The following DIPK1C variants were observed in gnomAD, a reference collection of about 807,000 sequenced individuals.
The protein encoded by DIPK1C is divergent protein kinase domain 1C, also known as familial non-conventional Alzheimer's dementia.
A neutral mutation model predicts 28.0 loss-of-function variants in DIPK1C; 33 were observed. The observed-to-expected ratio is 1.18, with a 90% confidence interval of 0.89 to 1.58. The LOEUF (loss-of-function observed/expected upper bound fraction) is 1.58. Ranked by LOEUF, DIPK1C falls within the 40% of genes most tolerant of loss-of-function variation. DIPK1C has a pLI of 0.00. For missense variants in DIPK1C, 569 were observed against 568.5 expected (o/e 1.00, Z -0.01); for synonymous variants, 255 against 248.8 (o/e 1.02, Z -0.23).
chr18:74,438,573 A>C lies in DIPK1C; in HGVS notation c.1042-1854T>G, dbSNP rs11876986. On this transcript the variant is annotated intron_variant, in intron 3 of 3. Coordinates refer to ENST00000343998, the MANE Select transcript of DIPK1C (RefSeq NM_001044369.3). Reference sequence around the variant, plus strand: ...TTCATTTTGCCAACAGGTGGGTGAAAATGGTTTAATTTGCATCTTTCTTAG... The same window carrying C: ...TTCATTTTGCCAACAGGTGGGTGAACATGGTTTAATTTGCATCTTTCTTAG... Among the ~76,000 whole-genome samples, 1,515 of 152,300 alleles carry C rather than the reference A, an allele frequency of 9.9e-3. 32 individuals are homozygous for C. Among genetic ancestry groups the C allele is most frequent in the African/African-American group, 0.034 (1,419 of 41,554 alleles).
intron 3 of DIPK1C, among the ~76,000 whole-genome samples, chr18:74,438,998 T>G (rs1215930291): frequency 6.6e-6 from 1 of 152,228 alleles, no homozygotes; most frequent in Admixed American, 6.5e-5. Context: ...CCTTCCACCC[T>G]CTACATTCCT....
Position 74,441,973 on chromosome 18 carries a change from C to T in DIPK1C, c.1020G>A (p.Gln340=). The T allele has an allele frequency of 6.2e-7, 1 of 1,614,014 alleles. No individual in the cohort carries two copies. Among genetic ancestry groups the T allele is most frequent in the East Asian group, 2.2e-5 (1 of 44,872 alleles). ...ATACCTGCAGGTTGTTGTTTACGCG[C>T]TGCGCTCCGCATTTGTTGACTCGTA... ...CDLRVNKCGA[Q]RVNNNLQVIC... is the part of the protein sequence containing the mutation. The change falls in exon 3 of 4, where the codon CAG becomes CAA. Residue 340 remains glutamine (Q), a synonymous_variant. Coordinates refer to ENST00000343998, the MANE Select transcript of DIPK1C (RefSeq NM_001044369.3).
chr18:74,444,513 A>G (rs1986216600), intron 2 of DIPK1C, among the ~76,000 whole-genome samples: 1 of 152,242 alleles, frequency 6.6e-6, no homozygotes, highest in African/African-American at 2.4e-5. Flanking sequence ...AATCGACTAG[A>G]AGCCTTGTTT....
At chr18:74,458,305 A>T (rs1489951790), upstream of DIPK1C, among the ~76,000 whole-genome samples, 3 of 152,194 alleles carry the variant, frequency 2.0e-5, no homozygotes, top group Non-Finnish European at 4.4e-5. Context: ...TTCAGTGCCC[A>T]GTACGTGCCA....
intron 1 of DIPK1C, among the ~76,000 whole-genome samples, chr18:74,451,712 C>A (rs2144527824): frequency 6.6e-6 from 1 of 152,348 alleles, no homozygotes; most frequent in East Asian, 1.9e-4. Context: ...TGCGGCGACA[C>A]TGGGTGTCAG....
rs537083860 is a variant in DIPK1C at position 74,449,640 on chromosome 18, G to A, written c.199-2357C>T. The stretch of plus-strand genomic sequence containing the variant: ...GCGGGGATGAGGGGGGTCTTGCTTG[G>A]CTAACACAATGATGCACGCGAGACA... On this transcript the variant is annotated intron_variant, in intron 1 of 3. Coordinates refer to ENST00000343998, the MANE Select transcript of DIPK1C (RefSeq NM_001044369.3). Among the ~76,000 whole-genome samples, 63 of 152,274 alleles carry A rather than the reference G, an allele frequency of 4.1e-4. 3 individuals are homozygous for A. The South Asian group carries it at 9.1e-3, about 22-fold the overall frequency.
rs760162546 is a variant in DIPK1C at position 74,447,034 on chromosome 18, TCAGGAGGAGTTCGGC to T, written c.433_447del (p.Ala145_Leu149del). The T allele has an allele frequency of 1.3e-6, 2 of 1,548,750 alleles. No individual in the cohort carries two copies. The highest frequency in any genetic ancestry group is 2.4e-5 in the South Asian group (2 of 83,860). On this transcript the variant is annotated inframe_deletion, in exon 2 of 4. Transcript: ENST00000343998. This position sits in a 1 kb window ranked among gnomAD's most constrained non-coding sequence, Gnocchi z 4.1. ...GCGCTCTTGACCTCCCCAGCCACCA[TCAGGAGGAGTTCGGC>T]CTCGGGCATGTCCTGGCCACCCTCC...
chr18:74,456,948 G>A (rs1986527016), intron 1 of DIPK1C, 114 bp downstream of exon 1: 72 of 1,130,558 alleles, frequency 6.4e-5, no homozygotes, highest in Non-Finnish European at 8.2e-5. Flanking sequence ...GGGAACCCAT[G>A]TCCCCGGCGG....
At chr18:74,442,215 T>C in intron 2 of DIPK1C, 99 bp from the exon 3 acceptor site, 1 of 1,402,794 alleles carries the variant, frequency 7.1e-7, no homozygotes, top group East Asian at 2.5e-5. Flanking sequence ...CGGGTGCCAC[T>C]GTCCAGGTCA....
intron 3 of DIPK1C, among the ~76,000 whole-genome samples, chr18:74,439,344 T>C (rs1331761461): frequency 6.6e-6 from 1 of 152,144 alleles, no homozygotes; most frequent in Non-Finnish European, 1.5e-5. Flanking sequence ...GGCCAGCCAG[T>C]TTACCAGCAC....
chr18:74,457,421 A>G (rs1986543358), upstream of DIPK1C, among the ~76,000 whole-genome samples: 1 of 150,862 alleles, frequency 6.6e-6, no homozygotes, highest in African/African-American at 2.4e-5. Context: ...AGGTGCGGGG[A>G]GGGCGTCCAG....
In DIPK1C at chr18:74,447,019, C is replaced by A. The variant is rs747016230; in HGVS notation, c.463G>T (p.Val155Phe). ...AELLLMVAGE[V>F]KSALGLELSN... ...AACTCCAGGCCCAGAGCGCTCTTGA[C>A]CTCCCCAGCCACCATCAGGAGGAGT... Residue 155 changes from valine (V) to phenylalanine (F), a missense_variant, in exon 2 of 4, where the codon GTC (valine) becomes TTC (phenylalanine). Val to Phe is a conservative substitution (Grantham distance 50). Transcript: ENST00000343998. The surrounding 1 kb of genome is among the most constrained non-coding windows in gnomAD (Gnocchi z 4.1). The A allele has an allele frequency of 7.8e-6, 12 of 1,545,314 alleles. No homozygotes were observed. Among genetic ancestry groups the A allele is most frequent in the Non-Finnish European group, 1.0e-5 (12 of 1,143,472 alleles).
chr18:74,455,659 T>G (rs1409630442), intron 1 of DIPK1C, among the ~76,000 whole-genome samples: 1 of 137,058 alleles, frequency 7.3e-6, no homozygotes, highest in Non-Finnish European at 1.5e-5. Flanking sequence ...GGCATGGTGG[T>G]GGAGGTTGCG....
At chr18:74,460,296 TATC>T (rs1209156951), upstream of DIPK1C, among the ~76,000 whole-genome samples, 1 of 152,244 alleles carries the variant, frequency 6.6e-6, no homozygotes, top group Admixed American at 6.5e-5. Flanking sequence ...ATGTTCATGA[TATC>T]ATCGAGGGAA....
chr18:74,449,433 C>T (rs762118384), intron 1 of DIPK1C, among the ~76,000 whole-genome samples: 23 of 152,148 alleles, frequency 1.5e-4, no homozygotes, highest in African/African-American at 2.9e-4. Context: ...TCGTTCAAAG[C>T]GCTTACTGAA....
upstream of DIPK1C, among the ~76,000 whole-genome samples, chr18:74,462,920 C>T (rs927349538): frequency 2.2e-4 from 34 of 152,296 alleles, no homozygotes; most frequent in African/African-American, 7.9e-4. Flanking sequence ...TTTCGTTGTC[C>T]TGCAGCTGGG....
At chr18:74,439,355 C>T (rs964905030) in intron 3 of DIPK1C, among the ~76,000 whole-genome samples, 1 of 152,154 alleles carries the variant, frequency 6.6e-6, no homozygotes, top group Admixed American at 6.5e-5. Context: ...TTACCAGCAC[C>T]GTTCACTATG....
chr18:74,455,288 GCA>G (rs1476001850), intron 1 of DIPK1C, among the ~76,000 whole-genome samples: 1 of 152,048 alleles, frequency 6.6e-6, no homozygotes, highest in Non-Finnish European at 1.5e-5. Flanking sequence ...ATGAAAAATG[GCA>G]TTCGTTTTCT....
intron 3 of DIPK1C, among the ~76,000 whole-genome samples, chr18:74,440,279 T>C (rs147921852): frequency 1.7e-4 from 26 of 152,348 alleles, no homozygotes; most frequent in African/African-American, 5.8e-4. Context: ...TAATGCTTCA[T>C]ATTTTCTCAT....
Sources: allele counts gnomAD v4.1 joint callset (sites outside exome capture counted in the v4.1 genomes callset), GRCh38; gene constraint gnomAD v4.1.1; non-coding constraint Gnocchi (gnomAD v3.1); transcripts MANE v1.5; gene names NCBI Gene and HGNC (gene_info 2026-07-23, HGNC 2026-07-21).